Variants in SHISAL2A observed in about 807,000 individuals in gnomAD.
SHISAL2A encodes the protein shisa like 2A, also known as protein shisa-like-2A.
In SHISAL2A, 18 loss-of-function variants were observed where a neutral mutation model predicts 11.5. The observed-to-expected ratio is 1.57, with a 90% CI of 1.08 to 2.33. SHISAL2A has a LOEUF of 2.33. Among genes scored for constraint, SHISAL2A ranks in the 30% most tolerant of loss-of-function variants. The pLI, the probability that SHISAL2A is intolerant of heterozygous loss-of-function variation, is 0.00. For synonymous variants in SHISAL2A, 94 were observed against 99.6 expected, an observed-to-expected ratio of 0.94 and a Z score of 0.34; for missense variants, 261 against 250.9, an observed-to-expected ratio of 1.04 and a Z score of -0.27.
intron 2 of SHISAL2A, among the ~76,000 whole-genome samples, chr1:52,644,870 A>C (rs1691460079): frequency 6.6e-6 from 1 of 151,188 alleles, no homozygotes; most frequent in Admixed American, 6.6e-5. Context: ...ACAAAAAATT[A>C]GCTGGGCTTG....
intron 1 of SHISAL2A, among the ~76,000 whole-genome samples, chr1:52,638,158 C>T (rs1193691499): frequency 6.6e-6 from 1 of 152,164 alleles, no homozygotes; most frequent in Non-Finnish European, 1.5e-5. Flanking sequence ...CCAGCAGAGA[C>T]AGTGCCTGCC....
intron 4 of SHISAL2A, chr1:52,667,357 A>G (rs1692031946): frequency 1.0e-6 from 1 of 974,902 alleles, no homozygotes; most frequent in African/African-American, 1.8e-5. Context: ...CGCCATGGGG[A>G]AGTCTTTCAA....
chr1:52,634,403 C>G (rs941254409), intron 1 of SHISAL2A, among the ~76,000 whole-genome samples: 3 of 152,150 alleles, frequency 2.0e-5, no homozygotes, highest in Non-Finnish European at 4.4e-5. Context: ...TGGGGATGTA[C>G]CCCATCCTCA....
intron 4 of SHISAL2A, among the ~76,000 whole-genome samples, chr1:52,666,888 C>T (rs891954828): frequency 6.6e-6 from 1 of 152,196 alleles, no homozygotes; most frequent in African/African-American, 2.4e-5. Flanking sequence ...CCTCTAGCCA[C>T]ACAGATACTT....
chr1:52,641,090 C>G (rs1691354175), intron 1 of SHISAL2A, among the ~76,000 whole-genome samples: 1 of 152,200 alleles, frequency 6.6e-6, no homozygotes, highest in Non-Finnish European at 1.5e-5. Flanking sequence ...GATGGAAGCT[C>G]CACGCCCCTC....
chr1:52,638,963 A>G (rs608123), intron 1 of SHISAL2A, among the ~76,000 whole-genome samples: 51,256 of 152,092 alleles, frequency 0.34, 11,580 homozygotes, highest in African/African-American at 0.62. Flanking sequence ...CTTGAGCCTA[A>G]GAGTTGGAGA....
rs1295167917 is a variant in SHISAL2A, at chr1:52,633,510, C to G, written c.17C>G (p.Thr6Arg). Residue 6 changes from threonine to arginine, a missense_variant, in exon 1 of 3, where the codon ACG (threonine) becomes AGG (arginine). Thr to Arg is a moderately conservative substitution (Grantham distance 71). Coordinates refer to ENST00000517870, the MANE Select transcript of SHISAL2A (RefSeq NM_001042693.3). The surrounding 1 kb of genome is among the most constrained non-coding windows in gnomAD (Gnocchi z 6.4). MSGACTSYVSAEQEVV... is the reference protein window; with the variant it reads MSGACRSYVSAEQEVV... ...CGGGGCGCGATGAGCGGCGCCTGCA[C>G]GAGCTACGTGAGCGCAGAGCAGGAG... is the stretch of plus-strand genomic sequence containing the variant. The G allele has an allele frequency of 3.2e-6, 5 of 1,542,448 alleles. No homozygotes were observed. In the African/African-American group the frequency reaches 7.2e-5, roughly 22 times the overall value.
At chr1:52,648,172 T>C (rs887029112) in intron 2 of SHISAL2A, among the ~76,000 whole-genome samples, 1 of 150,102 alleles carries the variant, frequency 6.7e-6, no homozygotes, top group Non-Finnish European at 1.5e-5. Flanking sequence ...GTTAGTTTTA[T>C]ATATATACCC....
intron 2 of SHISAL2A, among the ~76,000 whole-genome samples, chr1:52,654,155 C>T (rs980691510): frequency 9.9e-5 from 15 of 152,032 alleles, no homozygotes; most frequent in African/African-American, 3.4e-4. Flanking sequence ...AAGCAATTCT[C>T]CCTTCTTGGC....
intron 4 of SHISAL2A, among the ~76,000 whole-genome samples, chr1:52,666,053 A>G (rs1177948854): frequency 6.6e-6 from 1 of 152,162 alleles, no homozygotes; most frequent in Non-Finnish European, 1.5e-5. Context: ...GTCTCAAGAG[A>G]ATATCCCAGC....
At chr1:52,641,324 G>A (rs1691359751) in intron 1 of SHISAL2A, among the ~76,000 whole-genome samples, 1 of 152,210 alleles carries the variant, frequency 6.6e-6, no homozygotes, top group Non-Finnish European at 1.5e-5. Flanking sequence ...TGGGAGGGCA[G>A]GAGGGAGTCT....
chr1:52,644,322 G>T (rs1169621049), intron 2 of SHISAL2A, among the ~76,000 whole-genome samples: 1 of 152,224 alleles, frequency 6.6e-6, no homozygotes, highest in Non-Finnish European at 1.5e-5. Context: ...GGGTACATGT[G>T]TGTGGACCGG....
At chr1:52,649,444 A>G (rs1456051383) in intron 2 of SHISAL2A, among the ~76,000 whole-genome samples, 1 of 152,274 alleles carries the variant, frequency 6.6e-6, no homozygotes, top group South Asian at 2.1e-4. Context: ...TATGGAGGCA[A>G]GGGTGGGGTG....
intron 2 of SHISAL2A, among the ~76,000 whole-genome samples, chr1:52,646,051 G>C (rs1187115478): frequency 6.6e-6 from 1 of 152,126 alleles, no homozygotes; most frequent in African/African-American, 2.4e-5. Context: ...AATAGAATTG[G>C]GCAATGCAGT....
intron 4 of SHISAL2A, among the ~76,000 whole-genome samples, chr1:52,664,521 A>G (rs1691971852): frequency 6.8e-6 from 1 of 146,922 alleles, no homozygotes; most frequent in African/African-American, 2.4e-5. Context: ...ATGCCCGGCT[A>G]ATTTTTTTGT....
chr1:52,658,947 G>T (rs943064501), downstream of SHISAL2A, among the ~76,000 whole-genome samples: 2 of 152,236 alleles, frequency 1.3e-5, no homozygotes, highest in Non-Finnish European at 2.9e-5. Flanking sequence ...GCAAGACAGG[G>T]TGAGTCACCC....
At chr1:52,638,139 C>A (rs1389646731) in intron 1 of SHISAL2A, among the ~76,000 whole-genome samples, 1 of 152,128 alleles carries the variant, frequency 6.6e-6, no homozygotes. Flanking sequence ...CCTCTGTCAC[C>A]AGGACAGACC....
chr1:52,647,634 T>G (rs1021559680), intron 2 of SHISAL2A, among the ~76,000 whole-genome samples: 1 of 151,818 alleles, frequency 6.6e-6, no homozygotes, highest in Non-Finnish European at 1.5e-5. Flanking sequence ...TCACTTGAGG[T>G]CAGAAGTTCG....
chr1:52,661,616 G>C (rs889108819), downstream of SHISAL2A, among the ~76,000 whole-genome samples: 2 of 152,214 alleles, frequency 1.3e-5, no homozygotes, highest in Non-Finnish European at 2.9e-5. Context: ...TCACAGGGGT[G>C]TGAAGGGCTC....
Sources: gnomAD v4.1 joint callset for allele counts (sites outside exome capture counted in the v4.1 genomes callset) on GRCh38, gnomAD v4.1.1 for gene constraint, Gnocchi (gnomAD v3.1) non-coding constraint, MANE v1.5 for transcripts, NCBI Gene and HGNC (gene_info 2026-07-23, HGNC 2026-07-21) for gene names.